Variants in MAP4K5 observed in about 807,000 individuals in gnomAD.
MAP4K5 encodes the protein MAPK/ERK kinase kinase kinase 5.
MAP4K5 carries 82 observed loss-of-function variants against 135.6 expected under a neutral mutation model. The ratio of observed to expected loss-of-function variants is 0.60; its 90% CI spans 0.51 to 0.73. The LOEUF is 0.73. Among genes scored for constraint, MAP4K5 ranks in the 30% least tolerant of loss-of-function variants. The probability of loss-of-function intolerance (pLI) is 0.00; values close to 1 mark genes in which losing one functional copy is unlikely to be tolerated. For missense variants in MAP4K5, 907 were observed against 1,010.9 expected, an observed-to-expected ratio of 0.90 and a Z score of 1.39; for synonymous variants, 347 against 335.0, an observed-to-expected ratio of 1.04 and a Z score of -0.39.
In MAP4K5 at chr14:50,431,523, A is replaced by G. The variant is rs1192982195; in HGVS notation, c.2165-2263T>C. ...TGGTGTTTGGTTTTTTGTTCTTGCG[A>G]TAGTTTACTGAGAATGATGATTTCC... On this transcript the variant is annotated intron_variant, in intron 28 of 32. Transcript: ENST00000682126. 3.3e-5 allele frequency among the ~76,000 whole-genome samples: 5 copies of G among 151,972 alleles called. No homozygotes were observed. In the East Asian group the frequency reaches 7.7e-4, roughly 23 times the overall value.
At chr14:50,499,165 G>A (rs1013152351) in intron 3 of MAP4K5, among the ~76,000 whole-genome samples, 8 of 151,570 alleles carry the variant, frequency 5.3e-5, no homozygotes, top group Admixed American at 2.0e-4. Flanking sequence ...CTGAAGATAC[G>A]AAGAATTTGT....
chr14:50,537,459 A>G (rs777817795), upstream of MAP4K5, among the ~76,000 whole-genome samples: 6 of 152,190 alleles, frequency 3.9e-5, no homozygotes, highest in Non-Finnish European at 8.8e-5. Flanking sequence ...CAGAGTTCCT[A>G]CTGAGGTACT....
chr14:50,485,610 C>A lies in MAP4K5; in HGVS notation c.290G>T (p.Cys97Phe). The A allele has an allele frequency of 6.4e-7, 1 of 1,550,960 alleles. No individual in the cohort carries two copies. Among genetic ancestry groups the A allele is most frequent in the Non-Finnish European group, 8.7e-7 (1 of 1,144,570 alleles). ...AATATCTTGAAGTGATCCGCCACCA[C>A]AGTATTCCATACAAATCCATAGTTT... is the stretch of plus-strand genomic sequence containing the variant. ...REKLWICMEY[C>F]GGGSLQDIYH... Residue 97 changes from cysteine to phenylalanine, a missense_variant, in exon 5 of 33, where the codon TGT becomes TTT. Physicochemically the swap from Cys to Phe is radical, Grantham distance 205 (BLOSUM62 -2). Transcript: ENST00000682126.
chr14:50,477,210 T>A (rs2037121929), intron 6 of MAP4K5, among the ~76,000 whole-genome samples: 1 of 152,214 alleles, frequency 6.6e-6, no homozygotes, highest in African/African-American at 2.4e-5. Flanking sequence ...TTTGTCATAT[T>A]TATCCCTAAG....
At chr14:50,435,539 A>AT (rs756334252) in intron 26 of MAP4K5, among the ~76,000 whole-genome samples, 5,255 of 143,732 alleles carry the variant, frequency 0.037, 85 homozygotes, top group Middle Eastern at 0.064. Context: ...TAATTTTTCA[A>AT]TTTTTTTTTT....
chr14:50,551,972 C>T (rs1316982748), intron 1 of MAP4K5, among the ~76,000 whole-genome samples: 1 of 152,164 alleles, frequency 6.6e-6, no homozygotes, highest in East Asian at 1.9e-4. Flanking sequence ...TACCCACTTT[C>T]ACCACTTCTA....
chr14:50,501,061 A>G (rs1228108765), intron 3 of MAP4K5, among the ~76,000 whole-genome samples: 1 of 152,144 alleles, frequency 6.6e-6, no homozygotes, highest in Non-Finnish European at 1.5e-5. Context: ...AGTCTAAATA[A>G]TTGGTCATGG....
In MAP4K5 at chr14:50,492,591, CAAAAAA is replaced by C. The variant is rs11312204; in HGVS notation, c.167-6403_167-6398del. ...TGGGTAACACAGCAAGACCCCATCT[CAAAAAA>C]AAAAAAAAAAAATTTGCTCACGAAA... On this transcript the variant is annotated intron_variant, in intron 3 of 32. Transcript: ENST00000682126. 1.6e-4 allele frequency among the ~76,000 whole-genome samples: 19 copies of C among 121,836 alleles called. No individual in the cohort carries two copies. The East Asian group carries it at 4.1e-3, about 26-fold the overall frequency. 79.9% of individuals were successfully genotyped at this position (121,836 alleles called of 152,430 possible).
At chr14:50,560,239 C>A in intron 1 of MAP4K5, 1 of 1,613,452 alleles carries the variant, frequency 6.2e-7, no homozygotes, top group Non-Finnish European at 8.5e-7. Flanking sequence ...GTGACAGCGC[C>A]TCACCGCCAC....
At position 50,540,864 on chromosome 14, in the gene MAP4K5, G is replaced by A. The variant is rs1367291954; in HGVS notation, c.-94+1635C>T. The stretch of plus-strand genomic sequence containing the variant: ...ATACCAAGATTAAATTTGATCTCCA[G>A]GGAAATTACAGAGATTAGTGCCACC... On this transcript the variant is annotated intron_variant, in intron 2 of 8. Transcript: ENST00000555216. 2.0e-5 allele frequency among the ~76,000 whole-genome samples: 3 copies of A among 152,156 alleles called. No individual in the cohort carries two copies. The East Asian group carries it at 5.8e-4, about 29-fold the overall frequency.
intron 3 of MAP4K5, among the ~76,000 whole-genome samples, chr14:50,494,294 G>A (rs143862404): frequency 0.013 from 2,015 of 151,704 alleles, 16 homozygotes; most frequent in Middle Eastern, 0.041. Context: ...TCAGCCTCCC[G>A]AGTAGCTGGG....
At chr14:50,545,091 A>G (rs1268166030) in intron 1 of MAP4K5, among the ~76,000 whole-genome samples, 2 of 152,156 alleles carry the variant, frequency 1.3e-5, no homozygotes, top group African/African-American at 4.8e-5. Flanking sequence ...GTTTCTGAGA[A>G]CCCAAACATC....
upstream of MAP4K5, chr14:50,532,869 G>A (rs556811258): frequency 6.6e-6 from 1 of 152,504 alleles, no homozygotes; most frequent in South Asian, 2.1e-4. Context: ...CCCCACATTT[G>A]TCAGGTAGGC....
At chr14:50,461,675 C>T (rs1566656253) in intron 13 of MAP4K5, among the ~76,000 whole-genome samples, 1 of 152,068 alleles carries the variant, frequency 6.6e-6, no homozygotes, top group South Asian at 2.1e-4. Flanking sequence ...AATCCCAACA[C>T]TTTGGGAGGC....
chr14:50,509,481 A>G (rs1186614555), intron 2 of MAP4K5, among the ~76,000 whole-genome samples: 1 of 152,220 alleles, frequency 6.6e-6, no homozygotes, highest in Non-Finnish European at 1.5e-5. Flanking sequence ...CCTCTTTCAC[A>G]TTAAATTTCT....
chr14:50,550,495 T>C (rs1374432018), intron 1 of MAP4K5, among the ~76,000 whole-genome samples: 3 of 152,162 alleles, frequency 2.0e-5, no homozygotes, highest in African/African-American at 7.2e-5. Flanking sequence ...TAAGTTGCAA[T>C]GGTATGCCTT....
intron 32 of MAP4K5, among the ~76,000 whole-genome samples, chr14:50,422,036 G>A (rs1226057118): frequency 2.0e-5 from 3 of 151,662 alleles, no homozygotes; most frequent in Non-Finnish European, 4.4e-5. Flanking sequence ...GGATTACAGG[G>A]ACACGCCACC....
At chr14:50,547,527 C>T (rs549618643) in intron 1 of MAP4K5, among the ~76,000 whole-genome samples, 4 of 152,254 alleles carry the variant, frequency 2.6e-5, no homozygotes, top group East Asian at 3.9e-4. Context: ...AGGCAGGCAA[C>T]GAAGATGAAA....
intron 5 of MAP4K5, chr14:50,483,210 G>C (rs546641357): frequency 1.3e-5 from 2 of 152,120 alleles, no homozygotes; most frequent in African/African-American, 2.4e-5. Context: ...TATCAAAAGA[G>C]AGGCTTGATC....
Sources: allele counts gnomAD v4.1 joint callset (sites outside exome capture counted in the v4.1 genomes callset), GRCh38; gene constraint gnomAD v4.1.1; transcripts MANE v1.5; gene names NCBI Gene and HGNC (gene_info 2026-07-23, HGNC 2026-07-21).